POP4: variants seen among roughly 807,000 people sequenced by gnomAD.
POP4 encodes the protein ribonuclease P protein subunit p29.
In POP4, 31 loss-of-function variants were observed where a neutral mutation model predicts 29.9. The observed-to-expected ratio is 1.04, with a 90% confidence interval of 0.78 to 1.40. The LOEUF is 1.40. Among genes scored for constraint, POP4 ranks in the 40% most tolerant of loss-of-function variants. The probability of loss-of-function intolerance (pLI) is 0.00; values close to 1 mark genes in which losing one functional copy is unlikely to be tolerated. For missense variants in POP4, 286 were observed against 282.7 expected (o/e 1.01, Z -0.08); for synonymous variants, 110 against 108.2 (o/e 1.02, Z -0.10).
chr19:29,611,856 C>T lies in POP4; in HGVS notation c.285-6C>T. ...AACTTTTTCCCTGTTTCTGACTTTG[C>T]TGCAGATACAGCCTTTTCCTCCCTC... On this transcript the variant is annotated splice_polypyrimidine_tract_variant and splice_region_variant and intron_variant, in intron 3 of 6. Transcript: ENST00000585603. The T allele has an allele frequency of 1.2e-6, 2 of 1,613,312 alleles. No individual in the cohort carries two copies. Among genetic ancestry groups the T allele is most frequent in the South Asian group, 2.2e-5 (2 of 91,048 alleles).
In POP4 at chr19:29,608,719, T is replaced by C; in HGVS notation, c.60+10T>C. On this transcript the variant is annotated intron_variant, in intron 2 of 6. Coordinates refer to ENST00000585603, the MANE Select transcript of POP4 (RefSeq NM_006627.3). The stretch of plus-strand genomic sequence containing the variant: ...TGACTCCGATGTCCAGGTCAGTTCT[T>C]GGCAGGGAGTCCAGGAGCAACAGAG... 6.2e-7 allele frequency: 1 copy of C among 1,613,322 alleles called. No homozygotes were observed. Among genetic ancestry groups the C allele is most frequent in the Non-Finnish European group, 8.5e-7 (1 of 1,179,244 alleles).
chr19:29,610,572 G>C lies in POP4; in HGVS notation c.224G>C (p.Gly75Ala), dbSNP rs769038402. 2.2e-5 allele frequency: 35 copies of C among 1,614,092 alleles called. No individual in the cohort carries two copies. Among genetic ancestry groups the C allele is most frequent in the African/African-American group, 1.2e-4 (9 of 74,948 alleles). Residue 75 changes from glycine (G) to alanine (A), a missense_variant, in exon 3 of 7, where the codon GGC (glycine) becomes GCC (alanine). By Grantham distance (60) the Gly-to-Ala change is moderately conservative. Coordinates refer to ENST00000585603, the MANE Select transcript of POP4 (RefSeq NM_006627.3). ...AAGGAGAAGAAGAAGAAAGCCAAAG[G>C]CCTCTCTGCCAGGCAAAGGAGGGAG... ...KRKEKKKKAKGLSARQRRELR... is the reference protein window; with the variant it reads ...KRKEKKKKAKALSARQRRELR...
In POP4 at chr19:29,611,619, AAAG is replaced by A. The variant is rs1210861438; in HGVS notation, c.285-239_285-237del. ...ACTCACGTTTATTTCTCTCTCATGA[AAAG>A]AAGTCCAGGTGGACACCGCCCTGGG... On this transcript the variant is annotated intron_variant, in intron 3 of 6. Coordinates refer to ENST00000585603, the MANE Select transcript of POP4 (RefSeq NM_006627.3). 13 of 470,650 alleles carry A rather than the reference AAAG, an allele frequency of 2.8e-5. No homozygotes were observed. In the East Asian group the frequency reaches 4.6e-4, roughly 17 times the overall value. 29.2% of individuals were successfully genotyped at this position (470,650 alleles called of 1,614,324 possible). A position where few individuals can be genotyped will look rare whatever the true frequency, so the allele number is the denominator to read the frequency against.
intron 6 of POP4, 44 bp downstream of exon 6, chr19:29,614,016 C>T: frequency 6.3e-7 from 1 of 1,587,976 alleles, no homozygotes; most frequent in South Asian, 1.2e-5. Context: ...GCTGTGGCTC[C>T]CAGCTACTGC....
At chr19:29,606,387 G>C in intron 1 of POP4, 62 bp downstream of exon 1, 1 of 1,549,512 alleles carries the variant, frequency 6.5e-7, no homozygotes, top group Non-Finnish European at 8.7e-7. Context: ...CTTGGTACTG[G>C]TGGGTGAAAT....
intron 3 of POP4, 119 bp downstream of exon 3, chr19:29,610,751 G>C: frequency 2.0e-6 from 2 of 1,010,306 alleles, no homozygotes; most frequent in Admixed American, 5.1e-5. Flanking sequence ...CCTCTCTGTC[G>C]TCTGCCACAA....
chr19:29,612,243 C>T, intron 5 of POP4, 65 bp downstream of exon 5: 2 of 1,464,538 alleles, frequency 1.4e-6, no homozygotes, highest in Non-Finnish European at 1.9e-6. Flanking sequence ...TCTGTGGAGA[C>T]CCAGGGCGTG....
intron 6 of POP4, among the ~76,000 whole-genome samples, chr19:29,614,372 G>C (rs1051798262): frequency 6.6e-6 from 1 of 152,224 alleles, no homozygotes; most frequent in Non-Finnish European, 1.5e-5. Context: ...TGTCCTTGGC[G>C]ATAACACTTG....
At chr19:29,613,561 G>A (rs955328825) in intron 5 of POP4, among the ~76,000 whole-genome samples, 31 of 152,198 alleles carry the variant, frequency 2.0e-4, no homozygotes, top group African/African-American at 7.0e-4. Flanking sequence ...GCCAGCCCGT[G>A]GGCCCTGATG....
At position 29,615,571 on chromosome 19, in the gene POP4, G is replaced by C; in HGVS notation, c.*191G>C. On this transcript the variant is annotated 3_prime_UTR_variant, in exon 7 of 7. Coordinates refer to ENST00000585603, the MANE Select transcript of POP4 (RefSeq NM_006627.3). ...TACTAAGTGAAGAAGTCAGAGGACA[G>C]AGGAATTTCTCTTTCTAGGAGATTT... 2.0e-6 allele frequency: 1 copy of C among 511,090 alleles called. No homozygotes were observed. The highest frequency in any genetic ancestry group is 3.1e-5 in the East Asian group (1 of 31,788). The allele number at this position is 511,090 out of a possible 1,614,324, so 31.7% of individuals were successfully genotyped here. A position where few individuals can be genotyped will look rare whatever the true frequency, so the allele number is the denominator to read the frequency against.
Position 29,614,026 on chromosome 19 carries a change from C to T in POP4, c.526+54C>T, listed in dbSNP as rs551722195. The T allele has an allele frequency of 1.7e-4, 275 of 1,572,872 alleles. 2 individuals are homozygous for T. In the African/African-American group the frequency reaches 2.9e-3, roughly 17 times the overall value. On this transcript the variant is annotated intron_variant, in intron 6 of 6. Transcript: ENST00000585603. ...TGCGGGCTGTGGCTCCCAGCTACTG[C>T]GTTAGCCTTTTCCTCAAGGCTCCAA...
chr19:29,613,901 G>T lies in POP4; in HGVS notation c.455G>T (p.Gly152Val), dbSNP rs2145559028. 6.2e-7 allele frequency: 1 copy of T among 1,613,684 alleles called. No individual in the cohort carries two copies. Among genetic ancestry groups the T allele is most frequent in the South Asian group, 1.1e-5 (1 of 91,016 alleles). Residue 152 changes from glycine (G) to valine (V), a missense_variant, in exon 6 of 7, where the codon GGT (glycine) becomes GTT (valine). Gly to Val is a moderately radical substitution (Grantham distance 109, BLOSUM62 -3). Transcript: ENST00000585603. ...AAATCCAAATGCCCCTCTTATGTGG[G>T]TATTACAGGAATCCTTCTACAGGAA... ...VTKSKCPSYV[G>V]ITGILLQETK...
intron 2 of POP4, among the ~76,000 whole-genome samples, chr19:29,609,649 G>A (rs963991201): frequency 1.3e-5 from 2 of 152,174 alleles, no homozygotes; most frequent in African/African-American, 4.8e-5. Flanking sequence ...TTGTTTGTTT[G>A]TTTGTTTGAG....
chr19:29,613,741 T>C, intron 5 of POP4, 130 bp from the exon 6 acceptor site: 1 of 1,409,316 alleles, frequency 7.1e-7, no homozygotes, highest in Non-Finnish European at 9.4e-7. Flanking sequence ...CCCCACCCCC[T>C]GGGTGCTCTG....
Position 29,615,306 on chromosome 19 carries a change from G to A in POP4, c.589G>A (p.Gly197Arg), listed in dbSNP as rs370479191. The A allele has an allele frequency of 1.3e-4, 202 of 1,610,976 alleles. No homozygotes were observed. The highest frequency in any genetic ancestry group is 1.6e-4 in the Middle Eastern group (1 of 6,080). The stretch of plus-strand genomic sequence containing the variant: ...CGATGGCTTTATTTCCTACATTTAC[G>A]GGAGCAAATTCCAGCTTCGGTCAAG... The part of the protein sequence containing the change: ...ETDGFISYIY[G>R]SKFQLRSSER... The change falls in exon 7 of 7, where the codon GGG becomes AGG. Residue 197 changes from glycine (G) to arginine (R), a missense_variant. Transcript: ENST00000585603.
rs1971050640 is a variant in POP4, at chr19:29,610,421, C to G, written c.73C>G (p.Gln25Glu). Residue 25 changes from glutamine to glutamate, a missense_variant, in exon 3 of 7, where the codon CAG (glutamine) becomes GAG (glutamate). Physicochemically the swap from Gln to Glu is conservative, Grantham distance 29. Coordinates refer to ENST00000585603, the MANE Select transcript of POP4 (RefSeq NM_006627.3). ...NDSDVQPSGA[Q>E]RAEAFVRAFL... ...TGTCCGCCTGCAGCCTTCAGGAGCA[C>G]AGCGGGCCGAGGCCTTCGTGAGGGC... 6.4e-7 allele frequency: 1 copy of G among 1,563,558 alleles called. No individual in the cohort carries two copies. Among genetic ancestry groups the G allele is most frequent in the South Asian group, 1.2e-5 (1 of 85,702 alleles).
In POP4 at chr19:29,616,808, C is replaced by G. The variant is rs1215391556; in HGVS notation, c.*1428C>G. 1.3e-5 allele frequency: 2 copies of G among 152,336 alleles called. No homozygotes were observed. The highest frequency in any genetic ancestry group is 2.9e-5 in the Non-Finnish European group (2 of 68,122). The allele number at this position is 152,336 out of a possible 1,614,324, so 9.4% of individuals were successfully genotyped here. On this transcript the variant is annotated 3_prime_UTR_variant, in exon 7 of 7. Transcript: ENST00000585603. ...GATGAACACACGCACGGGCTAGGCA[C>G]ATGGAGCCCAAGCACACTGCCACCT...
chr19:29,614,552 T>A (rs1427433553), intron 6 of POP4, among the ~76,000 whole-genome samples: 1 of 149,890 alleles, frequency 6.7e-6, no homozygotes, highest in Non-Finnish European at 1.5e-5. Flanking sequence ...CCACCCAGGC[T>A]GGAGTGCAGT....
intron 5 of POP4, 36 bp downstream of exon 5, chr19:29,612,214 C>G (rs1384159174): frequency 6.4e-7 from 1 of 1,561,634 alleles, no homozygotes; most frequent in Non-Finnish European, 8.7e-7. Context: ...CATGGCCATC[C>G]AGAGGTTCAC....
Sources: gnomAD v4.1 joint callset for allele counts (sites outside exome capture counted in the v4.1 genomes callset) on GRCh38, gnomAD v4.1.1 for gene constraint, MANE v1.5 for transcripts, NCBI Gene and HGNC (gene_info 2026-07-23, HGNC 2026-07-21) for gene names.